SLC38A8: variants seen among roughly 807,000 people sequenced by gnomAD.
SLC38A8 encodes the protein solute carrier family 38 member 8.
SLC38A8 carries 65 observed loss-of-function variants against 46.0 expected under a neutral mutation model. The observed-to-expected ratio is 1.41, with a 90% CI of 1.16 to 1.74. The LOEUF (loss-of-function observed/expected upper bound fraction) is 1.74. SLC38A8 is among the 40% of genes most tolerant of loss of function. The pLI is 0.00. For synonymous variants in SLC38A8, 447 were observed against 243.7 expected, an observed-to-expected ratio of 1.83 and a Z score of -7.77; for missense variants, 998 against 567.9, an observed-to-expected ratio of 1.76 and a Z score of -7.70.
chr16:84,024,276 G>A (rs12933901), intron 6 of SLC38A8, among the ~76,000 whole-genome samples: 1 of 152,046 alleles, frequency 6.6e-6, no homozygotes, highest in South Asian at 2.1e-4. Context: ...CCGGGGGCTT[G>A]ACCATGTCAC....
At chr16:84,033,564 T>C in intron 3 of SLC38A8, 95 bp from the exon 4 acceptor site, 2 of 1,412,334 alleles carry the variant, frequency 1.4e-6, no homozygotes, top group South Asian at 1.4e-5. Context: ...GGGTTGGACA[T>C]CCACCCTCAG....
rs752816305 is a variant in SLC38A8 at position 84,016,589 on chromosome 16, A to C, written c.1092T>G (p.Phe364Leu). The change falls in exon 9 of 11, where the codon TTT (phenylalanine) becomes TTG (leucine). Residue 364 changes from phenylalanine to leucine, a missense_variant. Transcript: ENST00000299709. ...TGACGATCTCGCTGAGGTCAGGCAT[A>C]AACAGCGCCATGGCGAGCGTCACGG... Reference protein sequence around the residue: ...WVTVTLAMALFMPDLSEIVSI... With the variant: ...WVTVTLAMALLMPDLSEIVSI... The C allele has an allele frequency of 6.2e-7, 1 of 1,614,090 alleles. No individual in the cohort carries two copies. Among genetic ancestry groups the C allele is most frequent in the Non-Finnish European group, 8.5e-7 (1 of 1,180,024 alleles).
intron 8 of SLC38A8, among the ~76,000 whole-genome samples, 194 bp from the exon 9 acceptor site, chr16:84,016,921 G>T (rs1352135145): frequency 6.6e-6 from 1 of 152,214 alleles, no homozygotes; most frequent in African/African-American, 2.4e-5. Context: ...TGGGGCAGGG[G>T]ATGAAGCACG....
intron 6 of SLC38A8, among the ~76,000 whole-genome samples, chr16:84,025,996 C>T (rs932839012): frequency 2.6e-5 from 4 of 152,252 alleles, no homozygotes; most frequent in Admixed American, 6.5e-5. Flanking sequence ...CCTAGAGCCC[C>T]AGTGCCCACA....
chr16:84,016,619 C>T lies in SLC38A8; in HGVS notation c.1062G>A (p.Trp354Ter). ...GCGCCATGGCGAGCGTCACGGTGACCCACAGGATGGTCAGCGGCATCCGGA... is the reference window on the plus strand; with the variant it reads ...GCGCCATGGCGAGCGTCACGGTGACTCACAGGATGGTCAGCGGCATCCGGA... ...LWVRMPLTILWVTVTLAMALF... is the reference protein window; with the variant it reads ...LWVRMPLTIL Residue 354 changes from tryptophan (W) to a stop codon, truncating the protein, a stop_gained, in exon 9 of 11, where the codon TGG (tryptophan) becomes TGA (stop). Transcript: ENST00000299709. LOFTEE classifies it high-confidence loss of function. The T allele has an allele frequency of 6.2e-7, 1 of 1,613,942 alleles. No homozygotes were observed. Among genetic ancestry groups the T allele is most frequent in the Non-Finnish European group, 8.5e-7 (1 of 1,180,034 alleles).
At chr16:84,031,755 AG>A in intron 5 of SLC38A8, 111 bp downstream of exon 5, 1 of 865,088 alleles carries the variant, frequency 1.2e-6, no homozygotes, top group South Asian at 1.6e-5. Context: ...GGAAGGAAGG[AG>A]CCCAGGCTCT....
At chr16:84,025,501 T>C (rs975412820) in intron 6 of SLC38A8, among the ~76,000 whole-genome samples, 1 of 146,502 alleles carries the variant, frequency 6.8e-6, no homozygotes, top group African/African-American at 2.8e-5. Flanking sequence ...ACTCAGCGTC[T>C]CTCAACCACA....
intron 5 of SLC38A8, among the ~76,000 whole-genome samples, chr16:84,029,848 T>C (rs1023063459): frequency 1.3e-5 from 2 of 152,208 alleles, no homozygotes; most frequent in Non-Finnish European, 2.9e-5. Context: ...TGAAGGCTGC[T>C]GGCTCCCAGT....
intron 7 of SLC38A8, 52 bp downstream of exon 7, chr16:84,022,723 G>C (rs972211225): frequency 3.8e-6 from 5 of 1,326,602 alleles, no homozygotes; most frequent in Admixed American, 2.0e-5. Context: ...TGTTACTCTT[G>C]TTTCTACTGT....
chr16:84,038,065 C>T (rs958115182), intron 2 of SLC38A8, among the ~76,000 whole-genome samples: 1 of 152,088 alleles, frequency 6.6e-6, no homozygotes, highest in African/African-American at 2.4e-5. Context: ...AATCCCAGCA[C>T]TTCGGGAGGC....
chr16:84,029,113 C>A (rs1171197203), intron 6 of SLC38A8, among the ~76,000 whole-genome samples: 1 of 152,152 alleles, frequency 6.6e-6, no homozygotes, highest in African/African-American at 2.4e-5. Context: ...AACTGTCCTG[C>A]CAGAGTTAGG....
At chr16:84,020,918 G>C (rs1413981073) in intron 7 of SLC38A8, among the ~76,000 whole-genome samples, 4 of 152,306 alleles carry the variant, frequency 2.6e-5, no homozygotes, top group East Asian at 1.9e-4. Flanking sequence ...TTGCTGCTTT[G>C]GTTCTCTTTT....
intron 3 of SLC38A8, among the ~76,000 whole-genome samples, chr16:84,035,855 A>G (rs2085294355): frequency 6.6e-6 from 1 of 152,274 alleles, no homozygotes; most frequent in South Asian, 2.1e-4. Flanking sequence ...ATCCTTTAAC[A>G]TCCTTCTCTT....
At chr16:84,040,908 G>T (rs947921318) in intron 2 of SLC38A8, among the ~76,000 whole-genome samples, 3 of 152,212 alleles carry the variant, frequency 2.0e-5, no homozygotes, top group Admixed American at 6.5e-5. Context: ...GCCAGGCACG[G>T]GGCAGGAGCT....
chr16:84,013,437 T>TTTG (rs2084981246), intron 9 of SLC38A8, among the ~76,000 whole-genome samples: 3 of 132,874 alleles, frequency 2.3e-5, no homozygotes, highest in Non-Finnish European at 3.3e-5. Context: ...TTTTTTTTTT[T>TTTG]TTTTTTTTTT....
At chr16:84,018,962 G>C (rs576748517) in intron 7 of SLC38A8, among the ~76,000 whole-genome samples, 1 of 152,048 alleles carries the variant, frequency 6.6e-6, no homozygotes, top group Non-Finnish European at 1.5e-5. Context: ...CCAGTGATGA[G>C]GACTATTTTC....
chr16:84,030,815 A>G (rs1273321225), intron 5 of SLC38A8, among the ~76,000 whole-genome samples: 1 of 152,142 alleles, frequency 6.6e-6, no homozygotes, highest in Admixed American at 6.5e-5. Context: ...AGAAGGGTAC[A>G]CTGAGCATGG....
chr16:84,015,449 G>A (rs965585005), intron 9 of SLC38A8, among the ~76,000 whole-genome samples: 5 of 152,028 alleles, frequency 3.3e-5, no homozygotes, highest in Non-Finnish European at 5.9e-5. Context: ...CTTGAGCCAC[G>A]TGACTTTCAC....
chr16:84,013,023 C>A lies in SLC38A8; in HGVS notation c.1192G>T (p.Glu398Ter), dbSNP rs140783318. Residue 398 changes from glutamate (E) to a stop codon, truncating the protein, a stop_gained, in exon 10 of 11, where the codon GAG becomes TAG. Transcript: ENST00000299709. LOFTEE classifies it high-confidence loss of function. ...TACTTGACTCTTGGTCCTATAGGCT[C>A]GACACCCATTGCACAGATGAGGCAC... ...GLCLICAMGVEPIGPRVKCCL... is the reference protein window; with the variant it reads ...GLCLICAMGV 1 of 1,614,180 alleles carries A rather than the reference C, an allele frequency of 6.2e-7. No homozygotes were observed. Among genetic ancestry groups the A allele is most frequent in the Admixed American group, 1.7e-5 (1 of 60,030 alleles).
Sources: gnomAD v4.1 joint callset for allele counts (sites outside exome capture counted in the v4.1 genomes callset) on GRCh38, gnomAD v4.1.1 for gene constraint, MANE v1.5 for transcripts, NCBI Gene and HGNC (gene_info 2026-07-23, HGNC 2026-07-21) for gene names.